THRA: variants seen among roughly 807,000 people sequenced by gnomAD.
The protein encoded by THRA is thyroid hormone receptor alpha, also known as EAR-7.
Under a neutral mutation model 45.0 loss-of-function variants are expected in THRA, and 13 were observed. The observed-to-expected ratio is 0.29, with a 90% CI of 0.19 to 0.46. THRA has a LOEUF of 0.46. Ranked by LOEUF, THRA falls within the 20% of genes least tolerant of loss-of-function variation. THRA has a pLI of 1.00. For synonymous variants in THRA, 195 were observed against 214.0 expected, an observed-to-expected ratio of 0.91 and a Z score of 0.78; for missense variants, 278 against 556.1, an observed-to-expected ratio of 0.50 and a Z score of 5.03.
rs200093144 is a variant in THRA at position 40,092,853 on chromosome 17, T to A, written c.*3397T>A. ...AACAAATCAGAGGGCCAGGGGAGGGTTGTGGGGGAGACAGAGTGGTTTAAA... is the reference window on the plus strand; with the variant it reads ...AACAAATCAGAGGGCCAGGGGAGGGATGTGGGGGAGACAGAGTGGTTTAAA... On this transcript the variant is annotated 3_prime_UTR_variant, in exon 9 of 9. Transcript: ENST00000450525. 60 of 909,296 alleles carry A rather than the reference T, an allele frequency of 6.6e-5. 1 individual carries two copies. The highest frequency in any genetic ancestry group is 9.2e-5 in the Non-Finnish European group (58 of 627,802). The allele number at this position is 909,296 out of a possible 1,614,324, so 56.3% of individuals were successfully genotyped here.
Position 40,089,942 on chromosome 17 carries a change from G to A in THRA, c.*486G>A. On this transcript the variant is annotated 3_prime_UTR_variant, in exon 9 of 9. Coordinates refer to ENST00000450525, the MANE Select transcript of THRA (RefSeq NM_199334.5). This position sits in a 1 kb window ranked among gnomAD's most constrained non-coding sequence, Gnocchi z 6.1. ...CTGGGTGCAAAGAACGGCTTGGCTT[G>A]GCTCCTCCTCTGGAGGTTAAAATTT... 6 of 994,118 alleles carry A rather than the reference G, an allele frequency of 6.0e-6. No homozygotes were observed. Among genetic ancestry groups the A allele is most frequent in the African/African-American group, 1.7e-5 (1 of 57,490 alleles). The allele number at this position is 994,118 out of a possible 1,614,324, so 61.6% of individuals were successfully genotyped here. A position where few individuals can be genotyped will look rare whatever the true frequency, so the allele number is the denominator to read the frequency against.
rs1214662958 is a variant in THRA, at chr17:40,089,839, CAT to C, written c.*384_*385del. ...GCCCTCAACTCACCCCCTACACACA[CAT>C]GAGAGAGAGCCCCCACCCAGTTCCT... On this transcript the variant is annotated 3_prime_UTR_variant, in exon 9 of 9. Transcript: ENST00000450525. The surrounding 1 kb of genome is among the most constrained non-coding windows in gnomAD (Gnocchi z 6.1). 2.3e-5 allele frequency: 25 copies of C among 1,064,016 alleles called. No individual in the cohort carries two copies. Among genetic ancestry groups the C allele is most frequent in the Middle Eastern group, 4.5e-4 (1 of 2,218 alleles). 65.9% of individuals were successfully genotyped at this position (1,064,016 alleles called of 1,614,324 possible). A position where few individuals can be genotyped will look rare whatever the true frequency, so the allele number is the denominator to read the frequency against.
intron 7 of THRA, among the ~76,000 whole-genome samples, chr17:40,087,220 CACAG>C (rs1304330830): frequency 3.7e-4 from 55 of 149,140 alleles, no homozygotes; most frequent in Middle Eastern, 3.5e-3. Flanking sequence ...CACACACACA[CACAG>C]ACACACACCC....
downstream of THRA, chr17:40,093,296 G>A (rs201252895): frequency 5.3e-5 from 85 of 1,613,426 alleles, no homozygotes; most frequent in Non-Finnish European, 6.5e-5. The surrounding 1 kb of genome is among the most constrained non-coding windows in gnomAD (Gnocchi z 5.9). Context: ...TGGGGAAGAC[G>A]ACAGCAGTGA....
chr17:40,093,538 C>A, downstream of THRA: 2 of 1,187,262 alleles, frequency 1.7e-6, no homozygotes, highest in Non-Finnish European at 2.3e-6. The surrounding 1 kb of genome is among the most constrained non-coding windows in gnomAD (Gnocchi z 5.9). Flanking sequence ...CCTCAGCAGG[C>A]CAAACATGGC....
chr17:40,083,693 C>T lies in THRA; in HGVS notation c.223-142C>T, dbSNP rs559359640. ...TCCTTGAGCCTAGTAATCTTGGGCT[C>T]ATGGTGTCAGGAGGATGCCAGGTCC... On this transcript the variant is annotated intron_variant, in intron 4 of 8. Transcript: ENST00000450525. The T allele has an allele frequency of 7.0e-5, 78 of 1,108,942 alleles. 1 individual carries two copies. The highest frequency in any genetic ancestry group is 6.1e-4 in the African/African-American group (38 of 62,092). The allele number at this position is 1,108,942 out of a possible 1,614,324, so 68.7% of individuals were successfully genotyped here.
chr17:40,084,535 G>C (rs1486773608), intron 5 of THRA, 75 bp from the exon 6 acceptor site: 37 of 1,535,696 alleles, frequency 2.4e-5, no homozygotes, highest in Non-Finnish European at 3.0e-5. Context: ...ACTCTAGGAA[G>C]AGTAGTTTCC....
At chr17:40,093,384 GC>G, downstream of THRA, 1 of 1,609,230 alleles carries the variant, frequency 6.2e-7, no homozygotes. The surrounding 1 kb of genome is among the most constrained non-coding windows in gnomAD (Gnocchi z 5.9). Flanking sequence ...TCTCCCTGAA[GC>G]CCCCCAGAAG....
intron 1 of THRA, among the ~76,000 whole-genome samples, chr17:40,072,608 GA>G (rs1986816140): frequency 6.6e-6 from 1 of 152,096 alleles, no homozygotes; most frequent in South Asian, 2.1e-4. Flanking sequence ...CAGACAGACA[GA>G]CATGCAGGCA....
rs1421909473 is a variant in THRA at position 40,084,770 on chromosome 17, C to T, written c.531C>T (p.Ser177=). The T allele has an allele frequency of 1.2e-6, 2 of 1,614,074 alleles. No homozygotes were observed. The highest frequency in any genetic ancestry group is 1.7e-5 in the Admixed American group (1 of 60,026). The change falls in exon 6 of 9, where the codon AGC becomes AGT. Residue 177 remains serine (S), a synonymous_variant. Transcript: ENST00000450525. ...ACATTGCCACAGAGGCCCATCGCAGCACCAATGCCCAGGGCAGCCATTGGA... is the reference window on the plus strand; with the variant it reads ...ACATTGCCACAGAGGCCCATCGCAGTACCAATGCCCAGGGCAGCCATTGGA... ...LIHIATEAHR[S]TNAQGSHWKQ...
At chr17:40,086,957 A>G in intron 7 of THRA, 104 bp downstream of exon 7, 1 of 1,492,778 alleles carries the variant, frequency 6.7e-7, no homozygotes, top group Non-Finnish European at 9.2e-7. Flanking sequence ...ACAAGGAGCA[A>G]TTCCTGTAGG....
downstream of THRA, chr17:40,093,779 G>T: frequency 1.3e-6 from 1 of 767,650 alleles, no homozygotes; most frequent in Non-Finnish European, 2.1e-6. The surrounding 1 kb of genome is among the most constrained non-coding windows in gnomAD (Gnocchi z 5.9). Flanking sequence ...TCCCAAGCTA[G>T]ACTGTGTCTG....
chr17:40,062,318 CA>C (rs1986384387), upstream of THRA: 1 of 152,028 alleles, frequency 6.6e-6, no homozygotes, highest in South Asian at 2.1e-4. Context: ...AGGGAGGTAA[CA>C]GGGAATGAAC....
Position 40,086,772 on chromosome 17 carries a change from C to G in THRA, c.642C>G (p.Ala214=). The G allele has an allele frequency of 6.2e-7, 1 of 1,614,154 alleles. No individual in the cohort carries two copies. The highest frequency in any genetic ancestry group is 8.5e-7 in the Non-Finnish European group (1 of 1,180,028). ...ACGGAGACAAGGTGGACCTGGAAGC[C>G]TTCAGCGAGTTTACCAAGATCATCA... is the stretch of plus-strand genomic sequence containing the variant. The part of the protein sequence containing the change: ...MPDGDKVDLE[A]FSEFTKIITP... Residue 214 remains alanine, a synonymous_variant, in exon 7 of 9, where the codon GCC becomes GCG. Coordinates refer to ENST00000450525, the MANE Select transcript of THRA (RefSeq NM_199334.5).
In THRA at chr17:40,083,993, C is replaced by CA. The variant is rs1417665692; in HGVS notation, c.370+12dup. On this transcript the variant is annotated intron_variant, in intron 5 of 8. Transcript: ENST00000450525. ...GCATGGCCATGGACTGTAAGGGGCC[C>CA]AGGTGGAGGGAATAGAGCCAGGTGG... The CA allele has an allele frequency of 7.5e-6, 12 of 1,605,360 alleles. No homozygotes were observed. The highest frequency in any genetic ancestry group is 1.3e-5 in the African/African-American group (1 of 74,538).
intron 1 of THRA, among the ~76,000 whole-genome samples, chr17:40,064,790 G>C (rs551643633): frequency 6.6e-6 from 1 of 152,268 alleles, no homozygotes; most frequent in South Asian, 2.1e-4. Flanking sequence ...TTAGTTGATT[G>C]ACTGTGGAAC....
At chr17:40,065,681 G>A (rs951424717) in intron 1 of THRA, among the ~76,000 whole-genome samples, 2 of 152,072 alleles carry the variant, frequency 1.3e-5, no homozygotes, top group African/African-American at 4.8e-5. Context: ...TGGGGTGGGG[G>A]GCGGGGGGCT....
At chr17:40,072,610 C>A (rs1447066308) in intron 1 of THRA, among the ~76,000 whole-genome samples, 3 of 152,128 alleles carry the variant, frequency 2.0e-5, no homozygotes, top group Non-Finnish European at 4.4e-5. Context: ...GACAGACAGA[C>A]ATGCAGGCAG....
In THRA at chr17:40,082,375, C is replaced by A. The variant is rs192394594; in HGVS notation, c.223-1460C>A. Among the ~76,000 whole-genome samples, 5 of 151,504 alleles carry A rather than the reference C, an allele frequency of 3.3e-5. No homozygotes were observed. The East Asian group carries it at 9.7e-4, about 29-fold the overall frequency. ...GATTACAGGCATGTGCCACCATTCC[C>A]GGCTAATTTTTTCTTTTTTTTTTCT... On this transcript the variant is annotated intron_variant, in intron 4 of 8. Coordinates refer to ENST00000450525, the MANE Select transcript of THRA (RefSeq NM_199334.5).
Sources: allele counts gnomAD v4.1 joint callset (sites outside exome capture counted in the v4.1 genomes callset), GRCh38; gene constraint gnomAD v4.1.1; non-coding constraint Gnocchi (gnomAD v3.1); transcripts MANE v1.5; gene names NCBI Gene and HGNC (gene_info 2026-07-23, HGNC 2026-07-21).